Variants in FAM117A observed in about 807,000 individuals in gnomAD.
The protein encoded by FAM117A is protein FAM117A.
Under a neutral mutation model 44.1 loss-of-function variants are expected in FAM117A, and 21 were observed. The observed-to-expected ratio is 0.48, with a 90% CI of 0.34 to 0.69. FAM117A has a LOEUF of 0.69. FAM117A is among the 30% of genes least tolerant of loss of function. The pLI is 0.01. For missense variants in FAM117A, 498 were observed against 589.9 expected (o/e 0.84, Z 1.61); for synonymous variants, 220 against 238.3 (o/e 0.92, Z 0.71).
intron 1 of FAM117A, among the ~76,000 whole-genome samples, chr17:49,736,111 A>G (rs2143742526): frequency 6.6e-6 from 1 of 152,316 alleles, no homozygotes; most frequent in Non-Finnish European, 1.5e-5. Flanking sequence ...TATACGCTTT[A>G]CAATTTAAAA....
At chr17:49,768,653 A>G (rs1056312452), upstream of FAM117A, among the ~76,000 whole-genome samples, 1 of 152,170 alleles carries the variant, frequency 6.6e-6, no homozygotes, top group African/African-American at 2.4e-5. Context: ...TCAGAACTGA[A>G]GGAGCAAAGC....
intron 1 of FAM117A, among the ~76,000 whole-genome samples, chr17:49,780,926 G>A (rs1000802819): frequency 2.6e-5 from 4 of 152,202 alleles, no homozygotes; most frequent in Non-Finnish European, 4.4e-5. Context: ...CGCCTCCCGG[G>A]TTCAAGCGAT....
chr17:49,726,960 T>C (rs950785346), intron 2 of FAM117A, among the ~76,000 whole-genome samples: 6 of 148,880 alleles, frequency 4.0e-5, no homozygotes, highest in African/African-American at 1.5e-4. Context: ...GCCTGGGCAA[T>C]AGAGTGAGAC....
At chr17:49,714,385 T>A (rs1009478673) in intron 7 of FAM117A, among the ~76,000 whole-genome samples, 1 of 151,366 alleles carries the variant, frequency 6.6e-6, no homozygotes, top group Non-Finnish European at 1.5e-5. Context: ...CCCTGACTAC[T>A]GAAGTGTAGT....
chr17:49,717,494 C>G lies in FAM117A; in HGVS notation c.910+19G>C. 2 of 1,612,176 alleles carry G rather than the reference C, an allele frequency of 1.2e-6. No individual in the cohort carries two copies. The highest frequency in any genetic ancestry group is 1.7e-6 in the Non-Finnish European group (2 of 1,179,232). ...TGTGCCCCAGAGTCAGCCCTGCTGCCTCAGCCTTCGCGGCTTACCTTTGTC... is the reference window on the plus strand; with the variant it reads ...TGTGCCCCAGAGTCAGCCCTGCTGCGTCAGCCTTCGCGGCTTACCTTTGTC... On this transcript the variant is annotated intron_variant, in intron 6 of 7. Coordinates refer to ENST00000240364, the MANE Select transcript of FAM117A (RefSeq NM_030802.4).
At chr17:49,735,763 C>A (rs1037707671) in intron 1 of FAM117A, among the ~76,000 whole-genome samples, 5 of 152,110 alleles carry the variant, frequency 3.3e-5, no homozygotes, top group Admixed American at 3.3e-4. Context: ...CCACACCCGA[C>A]CCATTCCTAT....
chr17:49,732,532 C>T lies in FAM117A; in HGVS notation c.366+19G>A. On this transcript the variant is annotated intron_variant, in intron 2 of 7. Transcript: ENST00000240364. The stretch of plus-strand genomic sequence containing the variant: ...GCCCCATCCTTATCCCTTATCCCAT[C>T]AGGAGAGAGCTTCATTACCTGGGTG... The T allele has an allele frequency of 6.2e-7, 1 of 1,613,766 alleles. No individual in the cohort carries two copies. Among genetic ancestry groups the T allele is most frequent in the Non-Finnish European group, 8.5e-7 (1 of 1,179,734 alleles).
At chr17:49,736,741 GGCCAGCTTTACT>G (rs1339640455) in intron 1 of FAM117A, among the ~76,000 whole-genome samples, 1 of 152,114 alleles carries the variant, frequency 6.6e-6, no homozygotes, top group African/African-American at 2.4e-5. Flanking sequence ...CATCTGTCAG[GGCCAGCTTTACT>G]GCCTCCACTC....
In FAM117A at chr17:49,711,458, T is replaced by C. The variant is rs756205663; in HGVS notation, c.1159A>G (p.Met387Val). The C allele has an allele frequency of 6.2e-7, 1 of 1,613,902 alleles. No individual in the cohort carries two copies. Among genetic ancestry groups the C allele is most frequent in the South Asian group, 1.1e-5 (1 of 91,084 alleles). ...CCCATGCCGGGGAAGAGGGGCTTCA[T>C]CAGGTTGACGGGGCAGAAGGCTGAG... ...TGSAFCPVNL[M>V]KPLFPGMGFI... is the part of the protein sequence containing the mutation. Residue 387 changes from methionine (M) to valine (V), a missense_variant, in exon 8 of 8, where the codon ATG (methionine) becomes GTG (valine). Coordinates refer to ENST00000240364, the MANE Select transcript of FAM117A (RefSeq NM_030802.4).
chr17:49,725,169 G>A (rs531475376), intron 2 of FAM117A, among the ~76,000 whole-genome samples: 1 of 152,120 alleles, frequency 6.6e-6, no homozygotes, highest in East Asian at 1.9e-4. Flanking sequence ...GATCTAAGAC[G>A]GCCTGCCCGG....
intron 1 of FAM117A, among the ~76,000 whole-genome samples, chr17:49,754,713 G>A (rs1310889162): frequency 1.3e-5 from 2 of 152,028 alleles, no homozygotes; most frequent in Non-Finnish European, 2.9e-5. Flanking sequence ...TTTTCACTCT[G>A]TTCAAACTTA....
chr17:49,749,352 G>A (rs1465017053), intron 1 of FAM117A, among the ~76,000 whole-genome samples: 2 of 151,910 alleles, frequency 1.3e-5, no homozygotes, highest in African/African-American at 2.4e-5. Flanking sequence ...CAAGGTGGGC[G>A]GATCACAAGG....
chr17:49,749,773 C>T (rs1219010284), intron 1 of FAM117A, among the ~76,000 whole-genome samples: 1 of 147,974 alleles, frequency 6.8e-6, no homozygotes, highest in Non-Finnish European at 1.5e-5. Context: ...GGCTGGGACA[C>T]ACGGCAGTGG....
chr17:49,780,515 G>A (rs2073786707), intron 1 of FAM117A, among the ~76,000 whole-genome samples: 1 of 151,950 alleles, frequency 6.6e-6, no homozygotes, highest in Non-Finnish European at 1.5e-5. Context: ...CAAGTAACTG[G>A]GACTACAGGT....
intron 2 of FAM117A, among the ~76,000 whole-genome samples, chr17:49,729,598 C>T (rs1027400505): frequency 4.0e-5 from 6 of 149,152 alleles, no homozygotes; most frequent in Admixed American, 2.0e-4. Flanking sequence ...CCTCTGCCTC[C>T]GGGTTCAAGC....
At chr17:49,773,285 CAG>C (rs1404744217) in intron 1 of FAM117A, 2 of 151,882 alleles carry the variant, frequency 1.3e-5, no homozygotes, top group Non-Finnish European at 2.9e-5. Context: ...GCCTGGGCGA[CAG>C]AGTGAGACTG....
intron 2 of FAM117A, among the ~76,000 whole-genome samples, chr17:49,728,525 TG>T (rs1385314672): frequency 6.6e-6 from 1 of 151,272 alleles, no homozygotes; most frequent in African/African-American, 2.4e-5. Context: ...ATGAGTAGAA[TG>T]GGGGGCTGGG....
At chr17:49,734,367 C>T (rs987248828) in intron 1 of FAM117A, among the ~76,000 whole-genome samples, 4 of 151,390 alleles carry the variant, frequency 2.6e-5, no homozygotes, top group Non-Finnish European at 5.9e-5. Context: ...CCGAGGCAGG[C>T]GGATCACGAG....
intron 1 of FAM117A, among the ~76,000 whole-genome samples, chr17:49,739,893 C>A (rs2073625978): frequency 6.6e-6 from 1 of 152,220 alleles, no homozygotes; most frequent in Non-Finnish European, 1.5e-5. Flanking sequence ...ACAGCCCAAC[C>A]ACCTGGTGAA....
Sources: gnomAD v4.1 joint callset for allele counts (sites outside exome capture counted in the v4.1 genomes callset) on GRCh38, gnomAD v4.1.1 for gene constraint, MANE v1.5 for transcripts, NCBI Gene and HGNC (gene_info 2026-07-23, HGNC 2026-07-21) for gene names.